Variants in TSPEAR observed in about 807,000 individuals in gnomAD.
TSPEAR encodes thrombospondin-type laminin G domain and EAR repeat-containing protein.
TSPEAR carries 69 observed loss-of-function variants against 71.6 expected under a neutral mutation model. That is an observed-to-expected ratio of 0.96 (90% CI 0.79 to 1.18). The LOEUF (loss-of-function observed/expected upper bound fraction) is 1.18. TSPEAR is among the 50% of genes most tolerant of loss of function. The pLI, the probability that TSPEAR is intolerant of heterozygous loss-of-function variation, is 0.00. For synonymous variants in TSPEAR, 402 were observed against 387.2 expected (o/e 1.04, Z -0.45); for missense variants, 971 against 894.9 (o/e 1.09, Z -1.09).
intron 1 of TSPEAR, among the ~76,000 whole-genome samples, chr21:44,663,600 CAT>C (rs1372908122): frequency 2.6e-5 from 4 of 152,028 alleles, no homozygotes; most frequent in African/African-American, 9.7e-5. Flanking sequence ...CGATTAAATT[CAT>C]AGAGCCAGCA....
intron 1 of TSPEAR, chr21:44,579,474 T>G: frequency 1.3e-5 from 7 of 530,934 alleles, no homozygotes; most frequent in East Asian, 3.2e-5. Flanking sequence ...CAAGGGGAGT[T>G]TATTGGGGAG....
At chr21:44,659,496 G>A (rs7275203) in intron 1 of TSPEAR, among the ~76,000 whole-genome samples, 116,253 of 151,034 alleles carry the variant, frequency 0.77, 45,306 homozygotes, top group African/African-American at 0.89. Context: ...GGCCTGACAG[G>A]AAAAGAGACG....
intron 1 of TSPEAR, chr21:44,677,870 T>C: frequency 7.4e-7 from 1 of 1,360,032 alleles, no homozygotes; most frequent in Non-Finnish European, 1.0e-6. Flanking sequence ...CTACTCTTTC[T>C]CGGAAATGGG....
At chr21:44,692,404 G>C (rs1395326866) in intron 1 of TSPEAR, among the ~76,000 whole-genome samples, 2 of 152,114 alleles carry the variant, frequency 1.3e-5, no homozygotes, top group East Asian at 1.9e-4. Flanking sequence ...AAATTGGAAA[G>C]GAAGAAGTAA....
intron 1 of TSPEAR, among the ~76,000 whole-genome samples, chr21:44,668,943 A>G (rs1478777747): frequency 6.6e-5 from 10 of 152,238 alleles, no homozygotes; most frequent in African/African-American, 2.2e-4. Flanking sequence ...TTAAATGGGA[A>G]TGCTAGAACT....
chr21:44,708,761 A>G (rs782780297), intron 1 of TSPEAR, among the ~76,000 whole-genome samples: 1 of 152,180 alleles, frequency 6.6e-6, no homozygotes, highest in African/African-American at 2.4e-5. Flanking sequence ...GGACACCTGC[A>G]GGGCAGGCAC....
chr21:44,511,630 A>G (rs2052381692), intron 9 of TSPEAR, among the ~76,000 whole-genome samples: 1 of 152,222 alleles, frequency 6.6e-6, no homozygotes, highest in Non-Finnish European at 1.5e-5. Flanking sequence ...CCCACACAGC[A>G]CAGCTCTCCC....
At chr21:44,503,032 C>CG (rs1481307491) in intron 11 of TSPEAR, among the ~76,000 whole-genome samples, 2 of 129,438 alleles carry the variant, frequency 1.5e-5, no homozygotes, top group Admixed American at 7.8e-5. Context: ...GGTGAGCCCT[C>CG]GGGGGGAAGC....
chr21:44,691,319 G>C (rs146197039), intron 1 of TSPEAR, among the ~76,000 whole-genome samples: 1 of 152,066 alleles, frequency 6.6e-6, no homozygotes, highest in Non-Finnish European at 1.5e-5. Context: ...ACGTATAACT[G>C]TTAACAACAT....
chr21:44,591,475 G>A (rs782268284), intron 1 of TSPEAR: 25 of 1,613,940 alleles, frequency 1.5e-5, no homozygotes, highest in East Asian at 4.5e-5. Context: ...ACAGGAGGCC[G>A]TGCGGCAGCA....
chr21:44,558,276 C>T lies in TSPEAR; in HGVS notation c.303+9509G>A, dbSNP rs202093502. The T allele has an allele frequency of 1.2e-4, 199 of 1,613,970 alleles. No homozygotes were observed. Among genetic ancestry groups the T allele is most frequent in the Non-Finnish European group, 1.6e-4 (185 of 1,180,010 alleles). On this transcript the variant is annotated intron_variant, in intron 2 of 11. Transcript: ENST00000323084. ...GGAGGGTCTGCAGCAGGAGGTGGTG[C>T]AGCAAGCCGGCTGGCGGCTAGACTG... is the stretch of plus-strand genomic sequence containing the variant.
At chr21:44,576,223 C>T (rs587724745) in intron 1 of TSPEAR, among the ~76,000 whole-genome samples, 1 of 152,324 alleles carries the variant, frequency 6.6e-6, no homozygotes, top group South Asian at 2.1e-4. Flanking sequence ...AGACCCAGAG[C>T]ACTGGCCACA....
At chr21:44,643,267 G>T (rs2146231889) in intron 1 of TSPEAR, among the ~76,000 whole-genome samples, 1 of 152,212 alleles carries the variant, frequency 6.6e-6, no homozygotes, top group South Asian at 2.1e-4. Flanking sequence ...TGCAGGGAGT[G>T]GGGACATGTT....
At chr21:44,597,730 C>G (rs587743309) in intron 1 of TSPEAR, among the ~76,000 whole-genome samples, 20 of 152,258 alleles carry the variant, frequency 1.3e-4, no homozygotes, top group East Asian at 7.7e-4. Context: ...CAGCACATGG[C>G]CTCTATGCTC....
intron 3 of TSPEAR, among the ~76,000 whole-genome samples, chr21:44,532,160 T>G (rs1490943073): frequency 1.1e-4 from 16 of 152,188 alleles, no homozygotes; most frequent in Admixed American, 1.0e-3. Flanking sequence ...CCACAATTGG[T>G]TCCAGGCCTG....
rs2052193081 is a variant in TSPEAR, at chr21:44,506,090, C to T, written c.1755-1209G>A. On this transcript the variant is annotated intron_variant, in intron 10 of 11. Coordinates refer to ENST00000323084, the MANE Select transcript of TSPEAR (RefSeq NM_144991.3). This position sits in a 1 kb window ranked among gnomAD's most constrained non-coding sequence, Gnocchi z 4.2. ...TCACTCCAGGAGGTGCCTACAGGACCTGCAGGACCTGCTCGTTCACAGATG... is the reference window on the plus strand; with the variant it reads ...TCACTCCAGGAGGTGCCTACAGGACTTGCAGGACCTGCTCGTTCACAGATG... Among the ~76,000 whole-genome samples, 1 of 152,220 alleles carries T rather than the reference C, an allele frequency of 6.6e-6. No homozygotes were observed. The highest frequency in any genetic ancestry group is 6.5e-5 in the Admixed American group (1 of 15,294).
intron 1 of TSPEAR, chr21:44,702,453 A>C (rs1481728288): frequency 1.4e-5 from 22 of 1,609,040 alleles, no homozygotes; most frequent in Non-Finnish European, 1.8e-5. Context: ...CCTCCTCCCC[A>C]AGCCAGCAGT....
At chr21:44,586,611 G>A (rs926137430) in intron 1 of TSPEAR, among the ~76,000 whole-genome samples, 4 of 151,922 alleles carry the variant, frequency 2.6e-5, no homozygotes, top group Admixed American at 1.3e-4. Context: ...ACACCAATCA[G>A]CACCACTCCC....
intron 1 of TSPEAR, chr21:44,697,208 G>C (rs138384392): frequency 6.2e-7 from 1 of 1,613,562 alleles, no homozygotes. Flanking sequence ...CACCATGTCC[G>C]TCTGCTCCAG....
Sources: gnomAD v4.1 joint callset for allele counts (sites outside exome capture counted in the v4.1 genomes callset) on GRCh38, gnomAD v4.1.1 for gene constraint, Gnocchi (gnomAD v3.1) non-coding constraint, MANE v1.5 for transcripts, NCBI Gene and HGNC (gene_info 2026-07-23, HGNC 2026-07-21) for gene names.